The following SORBS2 variants were observed in gnomAD, a reference collection of about 807,000 sequenced individuals.
SORBS2 encodes the protein sorbin and SH3 domain containing 2, also known as sorbin and SH3 domain-containing protein 2.
In SORBS2, 46 loss-of-function variants were observed where a neutral mutation model predicts 97.7. That is an observed-to-expected ratio of 0.47 (90% CI 0.37 to 0.60). The LOEUF (loss-of-function observed/expected upper bound fraction) is 0.60. Ranked by LOEUF, SORBS2 falls within the 20% of genes least tolerant of loss-of-function variation. The pLI, the probability that SORBS2 is intolerant of heterozygous loss-of-function variation, is 0.00. For missense variants in SORBS2, 1,316 were observed against 1,282.3 expected (o/e 1.03, Z -0.40); for synonymous variants, 476 against 473.4 (o/e 1.01, Z -0.07).
chr4:185,927,138 T>C (rs2099264106), intron 1 of SORBS2, among the ~76,000 whole-genome samples: 1 of 149,000 alleles, frequency 6.7e-6, no homozygotes, highest in Non-Finnish European at 1.5e-5. Context: ...AAATATATTC[T>C]TACATACAAC....
intron 1 of SORBS2, among the ~76,000 whole-genome samples, chr4:185,826,555 C>T (rs1437304631): frequency 1.3e-5 from 2 of 152,208 alleles, no homozygotes; most frequent in African/African-American, 4.8e-5. Flanking sequence ...TACTGCAAGA[C>T]ACACTTCACA....
chr4:185,644,787 C>A (rs1007178345), intron 4 of SORBS2, among the ~76,000 whole-genome samples: 6 of 152,092 alleles, frequency 3.9e-5, no homozygotes, highest in African/African-American at 1.4e-4. Flanking sequence ...TATTGTAAAA[C>A]GAGGAGTCTT....
chr4:185,708,054 G>C (rs1208908238), intron 2 of SORBS2, among the ~76,000 whole-genome samples: 1 of 152,148 alleles, frequency 6.6e-6, no homozygotes. Flanking sequence ...CCTTGAAGGA[G>C]CCCAGGCTTC....
intron 7 of SORBS2, among the ~76,000 whole-genome samples, chr4:185,622,575 G>A: frequency 6.6e-6 from 1 of 152,172 alleles, no homozygotes; most frequent in East Asian, 1.9e-4. Context: ...GGAACTATAG[G>A]TTTTGATTCA....
At chr4:185,824,413 T>C (rs1203809868) in intron 1 of SORBS2, among the ~76,000 whole-genome samples, 1 of 152,212 alleles carries the variant, frequency 6.6e-6, no homozygotes, top group Non-Finnish European at 1.5e-5. Context: ...TCTTGCCTTG[T>C]TACATCTGCA....
intron 1 of SORBS2, among the ~76,000 whole-genome samples, chr4:185,786,979 T>TAAA (rs1435737219): frequency 4.9e-5 from 3 of 61,494 alleles, no homozygotes; most frequent in African/African-American, 2.5e-4. Context: ...AGGCTCTGTC[T>TAAA]CAAAAAAAAA....
intron 1 of SORBS2, among the ~76,000 whole-genome samples, chr4:185,816,518 T>C (rs2099193337): frequency 6.6e-6 from 1 of 152,228 alleles, no homozygotes; most frequent in Non-Finnish European, 1.5e-5. Context: ...AGGACATTGA[T>C]GGGAAATGTG....
intron 1 of SORBS2, among the ~76,000 whole-genome samples, chr4:185,871,833 C>A (rs1425005665): frequency 6.6e-6 from 1 of 152,162 alleles, no homozygotes; most frequent in African/African-American, 2.4e-5. Context: ...TTTCCCTGTG[C>A]AGAATACCTT....
At chr4:185,666,552 T>C (rs374604407) in intron 4 of SORBS2, among the ~76,000 whole-genome samples, 9 of 152,202 alleles carry the variant, frequency 5.9e-5, no homozygotes, top group African/African-American at 1.9e-4. Context: ...TCAGCAGAAT[T>C]GGTTTGTCCT....
intron 12 of SORBS2, among the ~76,000 whole-genome samples, chr4:185,609,281 T>C (rs1254176097): frequency 6.6e-6 from 1 of 152,234 alleles, no homozygotes; most frequent in Non-Finnish European, 1.5e-5. Context: ...GAAGTTTTCA[T>C]AGTTAGATTT....
intron 1 of SORBS2, among the ~76,000 whole-genome samples, chr4:185,897,304 C>T (rs1251288214): frequency 6.6e-6 from 1 of 152,174 alleles, no homozygotes; most frequent in African/African-American, 2.4e-5. Context: ...GAGGGCCCCA[C>T]CCCACACCAG....
intron 1 of SORBS2, among the ~76,000 whole-genome samples, chr4:185,901,723 G>C (rs2099247873): frequency 6.6e-6 from 1 of 152,144 alleles, no homozygotes; most frequent in Non-Finnish European, 1.5e-5. Flanking sequence ...GGCAAATGTT[G>C]AAATAATTAT....
intron 1 of SORBS2, among the ~76,000 whole-genome samples, chr4:185,922,294 C>T (rs116760715): frequency 0.076 from 3,337 of 44,070 alleles, 76 homozygotes; most frequent in African/African-American, 0.22. Context: ...CTGTCCCAGC[C>T]CCTCATTGGA....
intron 1 of SORBS2, among the ~76,000 whole-genome samples, chr4:185,800,026 G>A (rs546181836): frequency 1.1e-4 from 16 of 152,194 alleles, no homozygotes; most frequent in African/African-American, 3.6e-4. Flanking sequence ...GGTGAAACCC[G>A]TCTCTGCTAA....
chr4:185,706,679 T>A (rs2098346556), intron 2 of SORBS2, among the ~76,000 whole-genome samples: 1 of 152,228 alleles, frequency 6.6e-6, no homozygotes, highest in Non-Finnish European at 1.5e-5. Flanking sequence ...CATTCTGAAT[T>A]CCATGCTTAT....
intron 4 of SORBS2, among the ~76,000 whole-genome samples, chr4:185,663,533 G>A (rs1582149991): frequency 6.6e-6 from 1 of 152,080 alleles, no homozygotes; most frequent in South Asian, 2.1e-4. Flanking sequence ...CTGCTCCCTG[G>A]AGAGAGCTGG....
chr4:185,585,623 T>C (rs1038052163), exon 15 of SORBS2: 1 of 149,194 alleles, frequency 6.7e-6, no homozygotes, highest in African/African-American at 2.5e-5. Flanking sequence ...CAGGTATGAA[T>C]AGTTTTTTCT....
At chr4:185,890,510 A>G (rs1026271078) in intron 1 of SORBS2, among the ~76,000 whole-genome samples, 1 of 152,112 alleles carries the variant, frequency 6.6e-6, no homozygotes, top group African/African-American at 2.4e-5. Context: ...TCTACAGCCT[A>G]ATGAGAGAGC....
intron 2 of SORBS2, among the ~76,000 whole-genome samples, chr4:185,706,593 T>C (rs188350989): frequency 1.3e-5 from 2 of 152,270 alleles, no homozygotes; most frequent in Non-Finnish European, 2.9e-5. Flanking sequence ...AAGATAGACC[T>C]TCGTAAGGAC....
Sources: gnomAD v4.1 joint callset for allele counts (sites outside exome capture counted in the v4.1 genomes callset) on GRCh38, gnomAD v4.1.1 for gene constraint, MANE v1.5 for transcripts, NCBI Gene and HGNC (gene_info 2026-07-23, HGNC 2026-07-21) for gene names.